The following MGST2 variants were observed in gnomAD, a reference collection of about 807,000 sequenced individuals.
The protein encoded by MGST2 is microsomal glutathione S-transferase 2, also known as glutathione peroxidase MGST2.
MGST2 carries 9 observed loss-of-function variants against 16.6 expected under a neutral mutation model. That is an observed-to-expected ratio of 0.54 (90% CI 0.33 to 0.95). The LOEUF is 0.95. Ranked by LOEUF, MGST2 falls within the 40% of genes least tolerant of loss-of-function variation. The probability of loss-of-function intolerance (pLI) is 0.03; values close to 1 mark genes in which losing one functional copy is unlikely to be tolerated. For synonymous variants in MGST2, 79 were observed against 68.0 expected, an observed-to-expected ratio of 1.16 and a Z score of -0.79; for missense variants, 159 against 175.1, an observed-to-expected ratio of 0.91 and a Z score of 0.52.
rs1419348340 is a variant in MGST2, at chr4:139,715,288, G to C, written c.*48+11092G>C. Among the ~76,000 whole-genome samples the C allele has an allele frequency of 6.6e-6, 1 of 152,110 alleles. No individual in the cohort carries two copies. Among genetic ancestry groups the C allele is most frequent in the South Asian group, 2.1e-4 (1 of 4,824 alleles). On this transcript the variant is annotated intron_variant, in intron 5 of 5. Coordinates refer to the MGST2 transcript ENST00000616265. The surrounding 1 kb of genome is among the most constrained non-coding windows in gnomAD (Gnocchi z 4.4). The stretch of plus-strand genomic sequence containing the variant: ...CAGTCTATTTCCTTTGTGTTAGGGG[G>C]TGTCTCCCCAGTATCGTCCCATCGT...
chr4:139,667,960 A>G (rs920373537), intron 1 of MGST2, among the ~76,000 whole-genome samples: 3 of 152,222 alleles, frequency 2.0e-5, no homozygotes, highest in Non-Finnish European at 4.4e-5. Context: ...GACACAGCCC[A>G]AGGAGATTCT....
chr4:139,687,504 T>C (rs1439405603), intron 2 of MGST2, among the ~76,000 whole-genome samples: 1 of 152,220 alleles, frequency 6.6e-6, no homozygotes, highest in African/African-American at 2.4e-5. Flanking sequence ...TGCACTGTCT[T>C]TTCTGGCTCT....
At chr4:139,716,855 G>A (rs1727990636) in intron 5 of MGST2, 1 of 152,426 alleles carries the variant, frequency 6.6e-6, no homozygotes, top group African/African-American at 2.4e-5. Context: ...TTCTTAAAAG[G>A]AAATAAGCAA....
chr4:139,717,457 C>T (rs1728025955), intron 5 of MGST2: 2 of 152,292 alleles, frequency 1.3e-5, no homozygotes, highest in African/African-American at 4.8e-5. Context: ...TTCAGGGTCA[C>T]CCTGCTGCCA....
rs538913011 is a variant in MGST2, at chr4:139,682,158, T to G, written c.158+3516T>G. 3.9e-3 allele frequency among the ~76,000 whole-genome samples: 592 copies of G among 151,998 alleles called. 1 individual carries two copies. Among genetic ancestry groups the G allele is most frequent in the African/African-American group, 0.013 (554 of 41,454 alleles). ...CTTCAGTGAGCTATGATCATGCCAC[T>G]ATACTCCAGCCTGGGCAACAGCGAA... On this transcript the variant is annotated intron_variant, in intron 2 of 4. Coordinates refer to ENST00000265498, the MANE Select transcript of MGST2 (RefSeq NM_002413.5).
chr4:139,754,614 T>A, the MGST2 span, among the ~76,000 whole-genome samples: 1 of 152,318 alleles, frequency 6.6e-6, no homozygotes, highest in Admixed American at 6.5e-5. Context: ...TTCCTAAAAG[T>A]AGAAGTTTTG....
chr4:139,733,809 T>C (rs1487346669), intron 5 of MGST2, among the ~76,000 whole-genome samples: 1 of 152,166 alleles, frequency 6.6e-6, no homozygotes, highest in Non-Finnish European at 1.5e-5. Context: ...CTCAGCCTCC[T>C]GGGTAGGTGG....
chr4:139,722,438 T>G (rs370123526), intron 5 of MGST2, among the ~76,000 whole-genome samples: 1 of 152,232 alleles, frequency 6.6e-6, no homozygotes, highest in Non-Finnish European at 1.5e-5. Context: ...GATTACTACA[T>G]GTGTTAAACA....
intron 5 of MGST2, chr4:139,716,612 C>T (rs929578403): frequency 2.6e-5 from 4 of 152,586 alleles, no homozygotes; most frequent in Non-Finnish European, 5.9e-5. Flanking sequence ...AATGATTGAT[C>T]TCTCCCATTA....
At chr4:139,747,366 G>T in the MGST2 span, among the ~76,000 whole-genome samples, 1 of 152,216 alleles carries the variant, frequency 6.6e-6, no homozygotes, top group Non-Finnish European at 1.5e-5. Flanking sequence ...TCTTTAGTTA[G>T]AGAATGAATT....
At chr4:139,719,124 T>G in intron 5 of MGST2, 1 of 594,330 alleles carries the variant, frequency 1.7e-6, no homozygotes, top group Non-Finnish European at 2.8e-6. Flanking sequence ...CTCATCTCGA[T>G]TGCTGTGTGA....
At chr4:139,726,145 G>A (rs111997291) in intron 5 of MGST2, among the ~76,000 whole-genome samples, 1 of 152,190 alleles carries the variant, frequency 6.6e-6, no homozygotes, top group South Asian at 2.1e-4. Context: ...TAACAACATA[G>A]AGCAGTTATG....
chr4:139,698,456 A>G, intron 3 of MGST2: 1 of 1,159,202 alleles, frequency 8.6e-7, no homozygotes, highest in South Asian at 1.2e-5. Context: ...TCACCCCTCC[A>G]GTAGAGGGCG....
At chr4:139,703,949 C>G in intron 4 of MGST2, 67 bp from the exon 5 acceptor site, 3 of 1,596,192 alleles carry the variant, frequency 1.9e-6, no homozygotes, top group Non-Finnish European at 2.6e-6. Flanking sequence ...GACAGCCTAC[C>G]TCAGGACTCT....
At chr4:139,671,205 G>T (rs1284849225) in intron 1 of MGST2, among the ~76,000 whole-genome samples, 1 of 152,100 alleles carries the variant, frequency 6.6e-6, no homozygotes, top group East Asian at 1.9e-4. Flanking sequence ...TCCCCTCACG[G>T]CAGGGAATTC....
intron 1 of MGST2, among the ~76,000 whole-genome samples, chr4:139,673,725 A>G (rs1397553527): frequency 1.3e-5 from 2 of 151,966 alleles, no homozygotes; most frequent in Non-Finnish European, 2.9e-5. Flanking sequence ...GGTTTTTAAA[A>G]TTTGAGATAG....
intron 5 of MGST2, among the ~76,000 whole-genome samples, chr4:139,729,156 C>CAAAAAAAAAAAAAAA (rs4057275): frequency 1.2e-5 from 1 of 81,702 alleles, no homozygotes; most frequent in Non-Finnish European, 2.3e-5. Context: ...GGAACAAAAG[C>CAAAAAAAAAAAAAAA]AAAAAAAAAA....
intron 5 of MGST2, among the ~76,000 whole-genome samples, chr4:139,729,031 A>C (rs1728592080): frequency 6.6e-6 from 1 of 152,012 alleles, no homozygotes; most frequent in Non-Finnish European, 1.5e-5. Flanking sequence ...AGAGATTAGC[A>C]TGGCTCCTTG....
chr4:139,675,496 T>A (rs759362544), intron 1 of MGST2, among the ~76,000 whole-genome samples: 20 of 152,224 alleles, frequency 1.3e-4, no homozygotes, highest in Non-Finnish European at 2.8e-4. Context: ...AAGAAAGTCA[T>A]ACTGTTTTAT....
Sources: allele counts gnomAD v4.1 joint callset (sites outside exome capture counted in the v4.1 genomes callset), GRCh38; gene constraint gnomAD v4.1.1; non-coding constraint Gnocchi (gnomAD v3.1); transcripts MANE v1.5; gene names NCBI Gene and HGNC (gene_info 2026-07-23, HGNC 2026-07-21).